Variants in PLG observed in about 807,000 individuals in gnomAD.
The protein encoded by PLG is plasmin.
A neutral mutation model predicts 104.4 loss-of-function variants in PLG; 41 were observed. The ratio of observed to expected loss-of-function variants is 0.39; its 90% confidence interval spans 0.31 to 0.51. The LOEUF is 0.51. Ranked by LOEUF, PLG falls within the 20% of genes least tolerant of loss-of-function variation. The probability of loss-of-function intolerance (pLI) is 0.76; values close to 1 mark genes in which losing one functional copy is unlikely to be tolerated. For missense variants in PLG, 891 were observed against 1,003.6 expected (o/e 0.89, Z 1.52); for synonymous variants, 337 against 357.1 (o/e 0.94, Z 0.63).
intron 1 of PLG, among the ~76,000 whole-genome samples, chr6:160,703,400 C>A (rs896176889): frequency 1.3e-5 from 2 of 152,072 alleles, no homozygotes; most frequent in African/African-American, 4.8e-5. Context: ...CTATTCATAC[C>A]CCCAAAAACG....
At chr6:160,720,548 G>A (rs1420223679) in intron 9 of PLG, among the ~76,000 whole-genome samples, 3 of 150,738 alleles carry the variant, frequency 2.0e-5, no homozygotes, top group Non-Finnish European at 3.0e-5. Context: ...GCCTCCTGAG[G>A]AGCTGGGACT....
rs762898986 is a variant in PLG, at chr6:160,739,031, G to A, written c.1878-37G>A. On this transcript the variant is annotated intron_variant, in intron 15 of 18. Transcript: ENST00000308192. The surrounding 1 kb of genome is among the most constrained non-coding windows in gnomAD (Gnocchi z 4.4). ...GCACAGAGGTTACCTGAAGGGGCTG[G>A]ACCATATTTTCCTCTTGACGTCCTC... 5 of 1,613,366 alleles carry A rather than the reference G, an allele frequency of 3.1e-6. No homozygotes were observed. The highest frequency in any genetic ancestry group is 1.7e-5 in the Admixed American group (1 of 60,016).
At chr6:160,717,916 C>T (rs1442470113) in intron 7 of PLG, among the ~76,000 whole-genome samples, 1 of 152,186 alleles carries the variant, frequency 6.6e-6, no homozygotes, top group Non-Finnish European at 1.5e-5. Flanking sequence ...ACCCTGCAGC[C>T]ATCCTCCTTA....
In PLG at chr6:160,731,170, C is replaced by T. The variant is rs771575586; in HGVS notation, c.1376C>T (p.Ala459Val). 84 of 1,613,914 alleles carry T rather than the reference C, an allele frequency of 5.2e-5. No homozygotes were observed. Among genetic ancestry groups the T allele is most frequent in the African/African-American group, 1.5e-4 (11 of 74,886 alleles). Reference sequence around the variant, plus strand: ...CTGAAAAAATGCTCAGGAACAGAAGCGAGTGTTGTAGCACCTCCGCCTGTT... The same window carrying T: ...CTGAAAAAATGCTCAGGAACAGAAGTGAGTGTTGTAGCACCTCCGCCTGTT... Reference protein sequence around the residue: ...CNLKKCSGTEASVVAPPPVVL... With the variant: ...CNLKKCSGTEVSVVAPPPVVL... Residue 459 changes from alanine to valine, a missense_variant, in exon 11 of 19, where the codon GCG becomes GTG. Transcript: ENST00000308192. The surrounding 1 kb of genome is among the most constrained non-coding windows in gnomAD (Gnocchi z 5.1).
chr6:160,733,710 G>C (rs1778038958), intron 12 of PLG, among the ~76,000 whole-genome samples: 1 of 151,790 alleles, frequency 6.6e-6, no homozygotes, highest in Admixed American at 6.6e-5. Flanking sequence ...CAGGTGTGGT[G>C]GCGTGCACCT....
chr6:160,750,198 G>A (rs1400659598), intron 17 of PLG, among the ~76,000 whole-genome samples: 1 of 152,168 alleles, frequency 6.6e-6, no homozygotes, highest in Non-Finnish European at 1.5e-5. Context: ...TGGAGGTGTT[G>A]AGGCCAAGGG....
Position 160,707,625 on chromosome 6 carries a change from T to C in PLG, c.186-75T>C, listed in dbSNP as rs1207154669. On this transcript the variant is annotated intron_variant, in intron 2 of 18. Transcript: ENST00000308192. Reference sequence around the variant, plus strand: ...AAGATATTCAATGATCTTTAGCATGTCTCACTTATTAATAAACATTTGTTT... The same window carrying C: ...AAGATATTCAATGATCTTTAGCATGCCTCACTTATTAATAAACATTTGTTT... The C allele has an allele frequency of 5.7e-6, 8 of 1,403,250 alleles. No homozygotes were observed. In the Admixed American group the frequency reaches 1.0e-4, roughly 18 times the overall value. 86.9% of individuals were successfully genotyped at this position (1,403,250 alleles called of 1,614,324 possible). A position where few individuals can be genotyped will look rare whatever the true frequency, so the allele number is the denominator to read the frequency against.
Position 160,713,026 on chromosome 6 carries a change from AACT to A in PLG, c.452_454del (p.Tyr151del). 6.2e-7 allele frequency: 1 copy of A among 1,609,578 alleles called. No homozygotes were observed. Among genetic ancestry groups the A allele is most frequent in the Non-Finnish European group, 8.5e-7 (1 of 1,177,718 alleles). Reference sequence around the variant, plus strand: ...ACACCCCTCAGAGGGACTGGAGGAGAACTACTGCAGGAATCCAGACAACGATCC... The same window carrying A: ...ACACCCCTCAGAGGGACTGGAGGAGAACTGCAGGAATCCAGACAACGATCC... On this transcript the variant is annotated inframe_deletion, in exon 5 of 19. Transcript: ENST00000308192.
chr6:160,727,969 AAGG>A (rs1291474050), intron 10 of PLG, among the ~76,000 whole-genome samples: 1 of 152,006 alleles, frequency 6.6e-6, no homozygotes, highest in East Asian at 1.9e-4. Flanking sequence ...AGAGGAAAAA[AAGG>A]AAGGAAAGAA....
chr6:160,738,390 C>T lies in PLG; in HGVS notation c.1803-148C>T. On this transcript the variant is annotated intron_variant, in intron 14 of 18. Transcript: ENST00000308192. The surrounding 1 kb of genome is among the most constrained non-coding windows in gnomAD (Gnocchi z 6.8). ...ACTCCTGGAGCACTGGCCAAAATTACTACCATCCTGATGCTGGGCTTGCAG... is the reference window on the plus strand; with the variant it reads ...ACTCCTGGAGCACTGGCCAAAATTATTACCATCCTGATGCTGGGCTTGCAG... 1 of 689,024 alleles carries T rather than the reference C, an allele frequency of 1.5e-6. No individual in the cohort carries two copies. The highest frequency in any genetic ancestry group is 2.7e-6 in the Non-Finnish European group (1 of 374,374). The allele number at this position is 689,024 out of a possible 1,614,324, so 42.7% of individuals were successfully genotyped here.
rs947407489 is a variant in PLG, at chr6:160,735,265, G to A, written c.1681+1177G>A. 2.6e-5 allele frequency among the ~76,000 whole-genome samples: 4 copies of A among 152,016 alleles called. No homozygotes were observed. Among genetic ancestry groups the A allele is most frequent in the African/African-American group, 4.8e-5 (2 of 41,382 alleles). ...TACACACCACTGCCTCTCACTGCCC[G>A]GGCTCTCTATCCTTGACAGGCTGCC... On this transcript the variant is annotated intron_variant, in intron 13 of 18. Coordinates refer to ENST00000308192, the MANE Select transcript of PLG (RefSeq NM_000301.5). The surrounding 1 kb of genome is among the most constrained non-coding windows in gnomAD (Gnocchi z 5.4).
intron 10 of PLG, among the ~76,000 whole-genome samples, chr6:160,729,225 G>A (rs1472211824): frequency 1.3e-5 from 2 of 152,194 alleles, no homozygotes; most frequent in East Asian, 1.9e-4. Flanking sequence ...TAATGGGCAT[G>A]GGTATCATTA....
chr6:160,723,089 TA>T lies in PLG; in HGVS notation c.1256+523del, dbSNP rs540705770. ...TATGAGATATACAAGTATACATATA[TA>T]GTGTGTATATATATGTACACATATA... On this transcript the variant is annotated intron_variant, in intron 10 of 18. Transcript: ENST00000308192. This position sits in a 1 kb window ranked among gnomAD's most constrained non-coding sequence, Gnocchi z 4.7. Among the ~76,000 whole-genome samples the T allele has an allele frequency of 3.6e-5, 5 of 140,152 alleles. No individual in the cohort carries two copies. Among genetic ancestry groups the T allele is most frequent in the African/African-American group, 6.4e-5 (2 of 31,194 alleles). The allele number at this position is 140,152 out of a possible 152,430, so 91.9% of individuals were successfully genotyped here.
In PLG at chr6:160,735,676, A is replaced by G. The variant is rs1778075254; in HGVS notation, c.1682-1211A>G. On this transcript the variant is annotated intron_variant, in intron 13 of 18. Coordinates refer to ENST00000308192, the MANE Select transcript of PLG (RefSeq NM_000301.5). The surrounding 1 kb of genome is among the most constrained non-coding windows in gnomAD (Gnocchi z 5.4). ...GAGCCTCTGGTGGTGAATGATTTTA[A>G]TAACTATTTCCTTTCCACCAACATA... Among the ~76,000 whole-genome samples the G allele has an allele frequency of 6.6e-6, 1 of 152,360 alleles. No homozygotes were observed. The highest frequency in any genetic ancestry group is 2.4e-5 in the African/African-American group (1 of 41,596).
rs745690020 is a variant in PLG at position 160,735,433 on chromosome 6, A to C, written c.1681+1345A>C. 2.0e-5 allele frequency among the ~76,000 whole-genome samples: 3 copies of C among 152,208 alleles called. No homozygotes were observed. The highest frequency in any genetic ancestry group is 4.4e-5 in the Non-Finnish European group (3 of 68,040). On this transcript the variant is annotated intron_variant, in intron 13 of 18. Coordinates refer to ENST00000308192, the MANE Select transcript of PLG (RefSeq NM_000301.5). The surrounding 1 kb of genome is among the most constrained non-coding windows in gnomAD (Gnocchi z 5.4). ...GTCCTCACCCACATTGAGGATGTAC[A>C]AGAATCAGGTTCTTAGAGATTGGAG...
At chr6:160,708,690 T>C (rs1250041341) in intron 3 of PLG, 1 of 152,230 alleles carries the variant, frequency 6.6e-6, no homozygotes, top group Non-Finnish European at 1.5e-5. Flanking sequence ...GTTCTTGTAT[T>C]CTTGAGGATG....
At chr6:160,710,120 G>A (rs1202773201) in intron 3 of PLG, among the ~76,000 whole-genome samples, 2 of 152,164 alleles carry the variant, frequency 1.3e-5, no homozygotes, top group African/African-American at 4.8e-5. Context: ...ATCTGAATGT[G>A]TAAAACCTTT....
In PLG at chr6:160,711,440, G is replaced by A. The variant is rs1267942162; in HGVS notation, c.407+249G>A. On this transcript the variant is annotated intron_variant, in intron 4 of 18. Transcript: ENST00000308192. ...TTGTATTATGTTTTATTGTCATATT[G>A]TTATTTTCTGTCATCTTTTTCAAGT... 6.1e-6 allele frequency: 5 copies of A among 821,694 alleles called. No homozygotes were observed. In the African/African-American group the frequency reaches 8.7e-5, roughly 14 times the overall value. The allele number at this position is 821,694 out of a possible 1,614,324, so 50.9% of individuals were successfully genotyped here.
At chr6:160,705,231 G>A (rs1349180523) in intron 1 of PLG, among the ~76,000 whole-genome samples, 1 of 152,226 alleles carries the variant, frequency 6.6e-6, no homozygotes, top group Non-Finnish European at 1.5e-5. Context: ...GCATCTCCAG[G>A]CTTGGAATAG....
Sources: gnomAD v4.1 joint callset for allele counts (sites outside exome capture counted in the v4.1 genomes callset) on GRCh38, gnomAD v4.1.1 for gene constraint, Gnocchi (gnomAD v3.1) non-coding constraint, MANE v1.5 for transcripts, NCBI Gene and HGNC (gene_info 2026-07-23, HGNC 2026-07-21) for gene names.